SEMA3A: variants seen among roughly 807,000 people sequenced by gnomAD.
SEMA3A encodes the protein semaphorin-3A.
In SEMA3A, 29 loss-of-function variants were observed where a neutral mutation model predicts 97.9. The observed-to-expected ratio is 0.30, with a 90% confidence interval of 0.22 to 0.40. SEMA3A has a LOEUF of 0.40. SEMA3A is among the 10% of genes least tolerant of loss of function. The probability of loss-of-function intolerance (pLI) is 1.00; values close to 1 mark genes in which losing one functional copy is unlikely to be tolerated. For synonymous variants in SEMA3A, 321 were observed against 323.7 expected, an observed-to-expected ratio of 0.99 and a Z score of 0.09; for missense variants, 763 against 951.3, an observed-to-expected ratio of 0.80 and a Z score of 2.60.
intron 3 of SEMA3A, among the ~76,000 whole-genome samples, chr7:84,219,809 T>G (rs370788825): frequency 6.6e-6 from 1 of 151,916 alleles, no homozygotes; most frequent in African/African-American, 2.4e-5. Flanking sequence ...ACTTGCACTT[T>G]TATGTTATGA....
intron 4 of SEMA3A, among the ~76,000 whole-genome samples, chr7:84,062,774 C>T (rs898800634): frequency 3.9e-5 from 6 of 152,204 alleles, no homozygotes; most frequent in Non-Finnish European, 7.3e-5. Flanking sequence ...GTCCTACACC[C>T]ACGGAGTCTC....
chr7:84,409,301 C>G (rs1804197027), intron 1 of SEMA3A, among the ~76,000 whole-genome samples: 1 of 150,968 alleles, frequency 6.6e-6, no homozygotes, highest in South Asian at 2.1e-4. Context: ...CACATGTACC[C>G]CATAAATATA....
intron 15 of SEMA3A, among the ~76,000 whole-genome samples, chr7:83,966,835 C>G (rs945080540): frequency 6.6e-6 from 1 of 152,014 alleles, no homozygotes. Flanking sequence ...CCTCAGACTC[C>G]CTAGTAGCTG....
At chr7:84,385,090 CACACACAA>C (rs1297239196) in intron 1 of SEMA3A, among the ~76,000 whole-genome samples, 2,208 of 151,716 alleles carry the variant, frequency 0.015, 48 homozygotes, top group African/African-American at 0.05. Flanking sequence ...CACACACACA[CACACACAA>C]ACACTCAATT....
At chr7:83,988,658 T>C (rs1174047182) in intron 12 of SEMA3A, among the ~76,000 whole-genome samples, 1 of 152,136 alleles carries the variant, frequency 6.6e-6, no homozygotes, top group Non-Finnish European at 1.5e-5. Flanking sequence ...ATTTAGAGAT[T>C]TTCCATAGTT....
chr7:84,310,673 G>T (rs1216371563), intron 2 of SEMA3A, among the ~76,000 whole-genome samples: 1 of 151,940 alleles, frequency 6.6e-6, no homozygotes, highest in African/African-American at 2.4e-5. Context: ...TATACTTTCT[G>T]CTGTAATTGT....
At chr7:84,286,542 T>A (rs75045218) in intron 3 of SEMA3A, among the ~76,000 whole-genome samples, 65 of 152,308 alleles carry the variant, frequency 4.3e-4, no homozygotes, top group African/African-American at 1.4e-3. Context: ...GATTCATATT[T>A]TATTAGATAA....
chr7:83,967,419 T>A (rs137983997), intron 15 of SEMA3A, among the ~76,000 whole-genome samples: 2 of 152,174 alleles, frequency 1.3e-5, no homozygotes, highest in African/African-American at 2.4e-5. Flanking sequence ...TCCTATCTTA[T>A]AACCTTATTA....
intron 3 of SEMA3A, among the ~76,000 whole-genome samples, chr7:84,266,313 C>CAAAA (rs57809084): frequency 1.4e-5 from 1 of 70,470 alleles, no homozygotes; most frequent in Non-Finnish European, 2.5e-5. Context: ...GATTTGGTCT[C>CAAAA]AAAAAAAAAA....
intron 3 of SEMA3A, among the ~76,000 whole-genome samples, chr7:84,260,828 A>T (rs1460638216): frequency 6.6e-6 from 1 of 152,158 alleles, no homozygotes; most frequent in Admixed American, 6.5e-5. Context: ...GAAGGCAGAT[A>T]GGCTTAGGGG....
intron 1 of SEMA3A, among the ~76,000 whole-genome samples, chr7:84,407,834 T>A (rs570501092): frequency 6.6e-6 from 1 of 152,314 alleles, no homozygotes; most frequent in East Asian, 1.9e-4. Context: ...GAAAACTGGT[T>A]AGCCATATGT....
At chr7:84,221,698 A>G (rs960878804) in intron 3 of SEMA3A, among the ~76,000 whole-genome samples, 13 of 152,024 alleles carry the variant, frequency 8.6e-5, no homozygotes, top group African/African-American at 3.1e-4. Flanking sequence ...GAGAACACAC[A>G]TAGCATTTAT....
At chr7:84,106,392 G>T (rs761152440) in intron 4 of SEMA3A, among the ~76,000 whole-genome samples, 2 of 152,084 alleles carry the variant, frequency 1.3e-5, no homozygotes, top group Non-Finnish European at 2.9e-5. Context: ...GGAGCAATAG[G>T]CTCCACCATG....
chr7:84,287,391 C>T (rs896149689), intron 3 of SEMA3A, among the ~76,000 whole-genome samples: 1 of 151,864 alleles, frequency 6.6e-6, no homozygotes, highest in African/African-American at 2.4e-5. Context: ...TAGTATATTC[C>T]ATTTGCTTTG....
rs369585667 is a variant in SEMA3A, at chr7:84,330,799, A to G, written c.-168-23507T>C. ...CATGAAGCATAAGCTAATGACTGCA[A>G]TGGTCCTTCCCTCATATTCTGAGAT... On this transcript the variant is annotated intron_variant, in intron 2 of 3. Coordinates refer to the SEMA3A transcript ENST00000424555. Among the ~76,000 whole-genome samples, 228 of 152,230 alleles carry G rather than the reference A, an allele frequency of 1.5e-3. 6 individuals carry two copies. In the South Asian group the frequency reaches 0.043, roughly 29 times the overall value.
intron 1 of SEMA3A, among the ~76,000 whole-genome samples, chr7:84,444,693 C>G (rs1432431819): frequency 6.6e-6 from 1 of 151,834 alleles, no homozygotes; most frequent in Non-Finnish European, 1.5e-5. Context: ...TCCCGAGTAG[C>G]TGGGACTACA....
intron 2 of SEMA3A, among the ~76,000 whole-genome samples, chr7:84,325,117 CTCTATCTATCTATCTATCTA>C (rs60907885): frequency 0.22 from 33,185 of 149,072 alleles, 4,027 homozygotes; most frequent in Admixed American, 0.3. Context: ...ATGTATATAT[CTCTATCTATCTATCTATCTA>C]TCTATCTATC....
In SEMA3A at chr7:83,957,354, C is replaced by T. The variant is rs939755802; in HGVS notation, c.*4017G>A. The T allele has an allele frequency of 1.3e-5, 2 of 152,100 alleles. No individual in the cohort carries two copies. The highest frequency in any genetic ancestry group is 2.9e-5 in the Non-Finnish European group (2 of 67,998). The allele number at this position is 152,100 out of a possible 1,614,324, so 9.4% of individuals were successfully genotyped here. A position where few individuals can be genotyped will look rare whatever the true frequency, so the allele number is the denominator to read the frequency against. On this transcript the variant is annotated 3_prime_UTR_variant, in exon 17 of 17. Coordinates refer to ENST00000265362, the MANE Select transcript of SEMA3A (RefSeq NM_006080.3). ...CCTCATCACCTAACATAATACCTAG[C>T]ACATTGTAGATAGTCAAGATCTATC...
intron 1 of SEMA3A, among the ~76,000 whole-genome samples, chr7:84,433,934 G>T (rs1260477502): frequency 6.6e-6 from 1 of 151,700 alleles, no homozygotes; most frequent in East Asian, 1.9e-4. Flanking sequence ...TGTTTTTTTT[G>T]TAAATTTGTT....
Sources: gnomAD v4.1 joint callset for allele counts (sites outside exome capture counted in the v4.1 genomes callset) on GRCh38, gnomAD v4.1.1 for gene constraint, MANE v1.5 for transcripts, NCBI Gene and HGNC (gene_info 2026-07-23, HGNC 2026-07-21) for gene names.